CEP70: variants seen among roughly 807,000 people sequenced by gnomAD.
The protein encoded by CEP70 is centrosomal protein of 70 kDa.
In CEP70, 70 loss-of-function variants were observed where a neutral mutation model predicts 90.9. That is an observed-to-expected ratio of 0.77 (90% CI 0.64 to 0.94). CEP70 has a LOEUF of 0.94. Ranked by LOEUF, CEP70 falls within the 40% of genes least tolerant of loss-of-function variation. CEP70 has a pLI of 0.00. For missense variants in CEP70, 648 were observed against 669.0 expected, an observed-to-expected ratio of 0.97 and a Z score of 0.35; for synonymous variants, 220 against 228.3, an observed-to-expected ratio of 0.96 and a Z score of 0.33.
intron 2 of CEP70, among the ~76,000 whole-genome samples, chr3:138,582,804 T>C (rs1233845780): frequency 2.0e-5 from 3 of 151,888 alleles, no homozygotes. Flanking sequence ...TAATGGATTA[T>C]AAGATAGTAT....
At chr3:138,523,401 AG>A (rs2036880175) in intron 11 of CEP70, among the ~76,000 whole-genome samples, 3 of 152,152 alleles carry the variant, frequency 2.0e-5, no homozygotes, top group African/African-American at 7.2e-5. Context: ...AAGGAAATAA[AG>A]GGTATTCAAT....
intron 2 of CEP70, among the ~76,000 whole-genome samples, chr3:138,575,509 C>G (rs1012742331): frequency 1.3e-5 from 2 of 152,126 alleles, no homozygotes; most frequent in Admixed American, 1.3e-4. Context: ...GGAATGGAAC[C>G]AAGCTGGAAA....
intron 6 of CEP70, among the ~76,000 whole-genome samples, chr3:138,552,884 C>T (rs1400616502): frequency 6.6e-6 from 1 of 151,898 alleles, no homozygotes; most frequent in Non-Finnish European, 1.5e-5. Flanking sequence ...ATAAATGAAA[C>T]AAAAAGCTGG....
chr3:138,503,926 T>G (rs141849118), intron 13 of CEP70, among the ~76,000 whole-genome samples: 214 of 152,338 alleles, frequency 1.4e-3, no homozygotes, highest in African/African-American at 5.0e-3. Context: ...TTTAGTATAT[T>G]TTGTCTAATT....
intron 17 of CEP70, chr3:138,496,631 C>A (rs2033975238): frequency 1.0e-6 from 1 of 985,310 alleles, no homozygotes; most frequent in Non-Finnish European, 1.2e-6. Flanking sequence ...TGTTTTTTTA[C>A]TCACTAAAGG....
intron 6 of CEP70, among the ~76,000 whole-genome samples, chr3:138,563,386 A>C (rs562367886): frequency 6.6e-6 from 1 of 152,340 alleles, no homozygotes; most frequent in South Asian, 2.1e-4. Flanking sequence ...CCCCAAATCA[A>C]CAGAATATAC....
intron 11 of CEP70, among the ~76,000 whole-genome samples, chr3:138,519,909 C>T (rs2036443658): frequency 6.6e-6 from 1 of 152,102 alleles, no homozygotes; most frequent in African/African-American, 2.4e-5. Flanking sequence ...AGAGTCAAGA[C>T]CCATCAGTGT....
chr3:138,558,493 T>C (rs1280161231), intron 6 of CEP70, among the ~76,000 whole-genome samples: 1 of 152,174 alleles, frequency 6.6e-6, no homozygotes, highest in African/African-American at 2.4e-5. Context: ...TATTTTTTCT[T>C]ATGCCTGCCA....
At chr3:138,513,398 G>T in intron 11 of CEP70, among the ~76,000 whole-genome samples, 1 of 152,118 alleles carries the variant, frequency 6.6e-6, no homozygotes, top group East Asian at 1.9e-4. Context: ...TCTTATTGGT[G>T]GAGAAGCCTT....
intron 12 of CEP70, among the ~76,000 whole-genome samples, chr3:138,505,848 T>G (rs2034939388): frequency 6.6e-6 from 1 of 152,172 alleles, no homozygotes; most frequent in East Asian, 1.9e-4. Context: ...AATCATTGGA[T>G]GAGGCCCACC....
At position 138,505,459 on chromosome 3, in the gene CEP70, A is replaced by C. The variant is rs1198122887; in HGVS notation, c.1057T>G (p.Cys353Gly). Residue 353 changes from cysteine to glycine, a missense_variant, in exon 13 of 18, where the codon TGT (cysteine) becomes GGT (glycine). Physicochemically the swap from Cys to Gly is radical, Grantham distance 159 (BLOSUM62 -3). Coordinates refer to ENST00000264982, the MANE Select transcript of CEP70 (RefSeq NM_024491.4). ...LIDQRYFQVL[C>G]SINSIIHNPR... ...TTGTGGATAATTGAATTGATGCTAC[A>C]CAGCACCTTTAAAAAAACATAGTGT... is the stretch of plus-strand genomic sequence containing the variant. The C allele has an allele frequency of 6.3e-7, 1 of 1,579,324 alleles. No individual in the cohort carries two copies. Among genetic ancestry groups the C allele is most frequent in the Non-Finnish European group, 8.6e-7 (1 of 1,166,882 alleles).
At chr3:138,506,208 G>GT (rs2034972009) in intron 12 of CEP70, among the ~76,000 whole-genome samples, 1 of 152,172 alleles carries the variant, frequency 6.6e-6, no homozygotes, top group South Asian at 2.1e-4. Flanking sequence ...CCCAGGCTGA[G>GT]TGTGGTGGCT....
intron 8 of CEP70, chr3:138,530,692 T>C: frequency 1.0e-6 from 1 of 985,418 alleles, no homozygotes. Flanking sequence ...GGCCTCCAAA[T>C]CTTGGCCTGG....
At chr3:138,535,784 T>C (rs1045521838) in intron 7 of CEP70, among the ~76,000 whole-genome samples, 1 of 151,708 alleles carries the variant, frequency 6.6e-6, no homozygotes, top group Non-Finnish European at 1.5e-5. Context: ...CATTCTTCCC[T>C]TCCAATTTCT....
chr3:138,540,879 T>A (rs1239791724), intron 6 of CEP70, among the ~76,000 whole-genome samples: 2 of 152,168 alleles, frequency 1.3e-5, no homozygotes, highest in Non-Finnish European at 2.9e-5. Flanking sequence ...AAAGAAAATG[T>A]GGTACATATA....
At chr3:138,535,751 A>C (rs926272654) in intron 7 of CEP70, among the ~76,000 whole-genome samples, 6 of 151,978 alleles carry the variant, frequency 3.9e-5, no homozygotes, top group African/African-American at 1.4e-4. Flanking sequence ...TTACCCAGTC[A>C]TCTTAACTGT....
At chr3:138,522,355 C>A (rs2036747018) in intron 11 of CEP70, among the ~76,000 whole-genome samples, 1 of 148,326 alleles carries the variant, frequency 6.7e-6, no homozygotes, top group Admixed American at 6.7e-5. Context: ...TAGCAAAAGG[C>A]AAGAAATAAC....
In CEP70 at chr3:138,498,239, C is replaced by T. The variant is rs893329578; in HGVS notation, c.1653-129G>A. The T allele has an allele frequency of 9.8e-6, 6 of 612,536 alleles. No homozygotes were observed. The African/African-American group carries it at 1.1e-4, about 12-fold the overall frequency. The allele number at this position is 612,536 out of a possible 1,614,324, so 37.9% of individuals were successfully genotyped here. A position where few individuals can be genotyped will look rare whatever the true frequency, so the allele number is the denominator to read the frequency against. ...ATATAAACTTAATGATCATTTACTACAGTCTTTTCTTTCTGAGCTTTTTGT... is the reference window on the plus strand; with the variant it reads ...ATATAAACTTAATGATCATTTACTATAGTCTTTTCTTTCTGAGCTTTTTGT... On this transcript the variant is annotated intron_variant, in intron 16 of 17. Coordinates refer to ENST00000264982, the MANE Select transcript of CEP70 (RefSeq NM_024491.4).
chr3:138,583,120 A>T (rs1325653099), intron 2 of CEP70, among the ~76,000 whole-genome samples: 1 of 152,178 alleles, frequency 6.6e-6, no homozygotes, highest in Non-Finnish European at 1.5e-5. Context: ...GAAATGGAAA[A>T]GGATATTACA....
Sources: gnomAD v4.1 joint callset for allele counts (sites outside exome capture counted in the v4.1 genomes callset) on GRCh38, gnomAD v4.1.1 for gene constraint, MANE v1.5 for transcripts, NCBI Gene and HGNC (gene_info 2026-07-23, HGNC 2026-07-21) for gene names.